ANXA4: variants seen among roughly 807,000 people sequenced by gnomAD.
ANXA4 encodes the protein annexin A4, also known as 35-beta calcimedin.
In ANXA4, 39 loss-of-function variants were observed where a neutral mutation model predicts 49.8. That is an observed-to-expected ratio of 0.78 (90% CI 0.61 to 1.02). The LOEUF (loss-of-function observed/expected upper bound fraction) is 1.02, where lower values mean the gene tolerates loss of function less well. ANXA4 is among the 50% of genes least tolerant of loss of function. The pLI is 0.00. For synonymous variants in ANXA4, 134 were observed against 152.5 expected, an observed-to-expected ratio of 0.88 and a Z score of 0.89; for missense variants, 360 against 410.1, an observed-to-expected ratio of 0.88 and a Z score of 1.05.
chr2:69,793,862 GA>G (rs1553359662), intron 3 of ANXA4, among the ~76,000 whole-genome samples: 9 of 88,858 alleles, frequency 1.0e-4, no homozygotes, highest in South Asian at 6.0e-4. Context: ...AGTCAACTGA[GA>G]AAAAAAAGTT....
At chr2:69,661,059 A>G (rs1676697818) in intron 2 of ANXA4, among the ~76,000 whole-genome samples, 1 of 152,046 alleles carries the variant, frequency 6.6e-6, no homozygotes, top group African/African-American at 2.4e-5. Flanking sequence ...ATTACTCACA[A>G]GAAAACAGCA....
intron 3 of ANXA4, among the ~76,000 whole-genome samples, chr2:69,797,347 C>A (rs1372909715): frequency 6.6e-6 from 1 of 152,072 alleles, no homozygotes; most frequent in Non-Finnish European, 1.5e-5. Context: ...GGTGTGACCC[C>A]CAAGCGTAAT....
intron 2 of ANXA4, among the ~76,000 whole-genome samples, chr2:69,678,372 A>G (rs1010121096): frequency 7.0e-6 from 1 of 142,952 alleles, no homozygotes; most frequent in African/African-American, 2.6e-5. Flanking sequence ...TTACAAATCT[A>G]CACTTTCTTT....
intron 2 of ANXA4, among the ~76,000 whole-genome samples, chr2:69,783,495 G>A (rs774885610): frequency 1.2e-4 from 18 of 152,176 alleles, no homozygotes; most frequent in African/African-American, 1.7e-4. Context: ...GATTACGGGC[G>A]TGAGCCACCG....
chr2:69,788,059 C>G lies in ANXA4; in HGVS notation c.15C>G (p.Thr5=). 2 of 1,613,698 alleles carry G rather than the reference C, an allele frequency of 1.2e-6. No individual in the cohort carries two copies. Among genetic ancestry groups the G allele is most frequent in the South Asian group, 1.1e-5 (1 of 91,060 alleles). The change falls in exon 3 of 13, where the codon ACC becomes ACG. Residue 5 remains threonine, a synonymous_variant. Transcript: ENST00000394295. Reference sequence around the variant, plus strand: ...TCACTCTCTTGTGTGCTCAGGCAACCAAAGGAGGTACTGTCAAAGCTGCTT... The same window carrying G: ...TCACTCTCTTGTGTGCTCAGGCAACGAAAGGAGGTACTGTCAAAGCTGCTT... MAMA[T]KGGTVKAASG... is the part of the protein sequence containing the mutation.
rs75207769 is a variant in ANXA4, at chr2:69,766,850, T to A, written c.-46-14670T>A. ...ATAGGCCTGTTTCCTAGCTATAAAG[T>A]GGAGGGGTGGGTCTGATGCGCTCTA... On this transcript the variant is annotated intron_variant, in intron 1 of 12. Transcript: ENST00000394295. Among the ~76,000 whole-genome samples the A allele has an allele frequency of 4.7e-3, 709 of 152,160 alleles. 2 individuals are homozygous for A. Among genetic ancestry groups the A allele is most frequent in the African/African-American group, 0.016 (668 of 41,510 alleles).
At chr2:69,667,039 C>G (rs1329360114) in intron 2 of ANXA4, among the ~76,000 whole-genome samples, 2 of 151,230 alleles carry the variant, frequency 1.3e-5, no homozygotes, top group African/African-American at 2.4e-5. Flanking sequence ...GAGTGAGACT[C>G]CATCTCAAAA....
rs1012128878 is a variant in ANXA4, at chr2:69,750,811, G to A, written c.-47+8636G>A. 2.0e-5 allele frequency among the ~76,000 whole-genome samples: 3 copies of A among 152,212 alleles called. No individual in the cohort carries two copies. The South Asian group carries it at 6.2e-4, about 32-fold the overall frequency. ...GGGATAAATCAGGGCCTGTAGACTAGGTAGACCTGCTAGGGCAGGGGCCTT... is the reference window on the plus strand; with the variant it reads ...GGGATAAATCAGGGCCTGTAGACTAAGTAGACCTGCTAGGGCAGGGGCCTT... On this transcript the variant is annotated intron_variant, in intron 1 of 12. Transcript: ENST00000394295.
chr2:69,810,421 T>G (rs1673647121), intron 6 of ANXA4, 173 bp from the exon 7 acceptor site: 2 of 605,092 alleles, frequency 3.3e-6, no homozygotes, highest in African/African-American at 1.8e-5. Flanking sequence ...AAGCTGATCT[T>G]GACCATTTTA....
intron 3 of ANXA4, among the ~76,000 whole-genome samples, chr2:69,733,438 C>CA (rs2105450862): frequency 6.6e-6 from 1 of 151,946 alleles, no homozygotes; most frequent in Non-Finnish European, 1.5e-5. Context: ...ACCCCATCTA[C>CA]AAAAAATAGA....
intron 1 of ANXA4, among the ~76,000 whole-genome samples, chr2:69,774,102 C>T (rs1457203340): frequency 6.6e-6 from 1 of 152,084 alleles, no homozygotes; most frequent in Non-Finnish European, 1.5e-5. Context: ...GGATTACAGG[C>T]GTGAGCCATC....
At chr2:69,747,095 A>G (rs986639211) in intron 1 of ANXA4, among the ~76,000 whole-genome samples, 19 of 152,158 alleles carry the variant, frequency 1.2e-4, no homozygotes, top group African/African-American at 4.1e-4. Flanking sequence ...GCAGCCTGAC[A>G]TGTAACAGAG....
At chr2:69,792,550 C>T (rs777957543) in intron 3 of ANXA4, among the ~76,000 whole-genome samples, 2 of 151,852 alleles carry the variant, frequency 1.3e-5, no homozygotes, top group Non-Finnish European at 2.9e-5. Context: ...CCATATAATG[C>T]CCTTTTGCAT....
At chr2:69,766,160 A>G (rs1671485371) in intron 1 of ANXA4, among the ~76,000 whole-genome samples, 1 of 152,202 alleles carries the variant, frequency 6.6e-6, no homozygotes, top group African/African-American at 2.4e-5. Flanking sequence ...ACTTGTTGGT[A>G]AATGTGAAAG....
At chr2:69,763,532 T>G (rs1671378969) in intron 1 of ANXA4, among the ~76,000 whole-genome samples, 1 of 152,150 alleles carries the variant, frequency 6.6e-6, no homozygotes, top group Non-Finnish European at 1.5e-5. Flanking sequence ...AGGAAAATGG[T>G]CTAGCTTTAT....
At chr2:69,683,232 A>G (rs1257974839) in intron 2 of ANXA4, among the ~76,000 whole-genome samples, 1 of 152,188 alleles carries the variant, frequency 6.6e-6, no homozygotes, top group Non-Finnish European at 1.5e-5. Flanking sequence ...TTCCCAGTGA[A>G]AAGAACTCTT....
At chr2:69,800,677 A>G (rs189216403) in intron 3 of ANXA4, among the ~76,000 whole-genome samples, 10 of 152,310 alleles carry the variant, frequency 6.6e-5, no homozygotes, top group Non-Finnish European at 1.3e-4. Context: ...GAGTTTCTGT[A>G]AACAGAATTA....
At chr2:69,692,895 A>G (rs1033968124) in intron 2 of ANXA4, among the ~76,000 whole-genome samples, 11 of 152,220 alleles carry the variant, frequency 7.2e-5, no homozygotes, top group African/African-American at 2.7e-4. Flanking sequence ...AATTATGTTC[A>G]GAATTGGTTT....
intron 1 of ANXA4, among the ~76,000 whole-genome samples, chr2:69,747,001 A>C (rs1458649132): frequency 6.6e-6 from 1 of 152,036 alleles, no homozygotes; most frequent in Non-Finnish European, 1.5e-5. Context: ...GTCTCAAAAA[A>C]CAAAAACGAA....
Sources: allele counts gnomAD v4.1 joint callset (sites outside exome capture counted in the v4.1 genomes callset), GRCh38; gene constraint gnomAD v4.1.1; transcripts MANE v1.5; gene names NCBI Gene and HGNC (gene_info 2026-07-23, HGNC 2026-07-21).